The following PDE4D variants were observed in gnomAD, a reference collection of about 807,000 sequenced individuals.
PDE4D encodes 3',5'-cyclic-AMP phosphodiesterase 4D.
PDE4D carries 24 observed loss-of-function variants against 87.4 expected under a neutral mutation model. The observed-to-expected ratio is 0.27, with a 90% CI of 0.20 to 0.39. The LOEUF is 0.39. PDE4D is among the 10% of genes least tolerant of loss of function. The pLI is 1.00. For synonymous variants in PDE4D, 384 were observed against 383.2 expected (o/e 1.00, Z -0.02); for missense variants, 714 against 1,041.0 (o/e 0.69, Z 4.32).
intron 1 of PDE4D, among the ~76,000 whole-genome samples, chr5:59,243,975 C>T (rs1758244755): frequency 6.6e-6 from 1 of 151,862 alleles, no homozygotes; most frequent in Non-Finnish European, 1.5e-5. Flanking sequence ...ATTTAAAATG[C>T]CCAACAATGA....
At chr5:59,445,140 A>G (rs915890885) in intron 1 of PDE4D, among the ~76,000 whole-genome samples, 1 of 152,054 alleles carries the variant, frequency 6.6e-6, no homozygotes, top group Non-Finnish European at 1.5e-5. Context: ...GAAGCACTAA[A>G]CCTGAATTCC....
At chr5:59,920,854 C>T (rs748076145) in intron 3 of PDE4D, among the ~76,000 whole-genome samples, 38 of 109,272 alleles carry the variant, frequency 3.5e-4, no homozygotes, top group South Asian at 1.5e-3. Flanking sequence ...ACACTGGGGC[C>T]TGTCATGTGG....
chr5:60,322,276 T>C (rs1321546400), intron 1 of PDE4D, among the ~76,000 whole-genome samples: 1 of 151,808 alleles, frequency 6.6e-6, no homozygotes, highest in Non-Finnish European at 1.5e-5. Flanking sequence ...CTGGAGGCCA[T>C]TATGCTAAGT....
chr5:59,764,504 A>G (rs1015237418), intron 1 of PDE4D, among the ~76,000 whole-genome samples: 23 of 152,326 alleles, frequency 1.5e-4, no homozygotes, highest in Admixed American at 8.5e-4. Context: ...GTGCTGAGTG[A>G]CATAGCACCT....
chr5:59,839,091 T>C (rs921983905), intron 1 of PDE4D, among the ~76,000 whole-genome samples: 11 of 151,848 alleles, frequency 7.2e-5, no homozygotes, highest in Non-Finnish European at 1.5e-4. Context: ...GAACAGCAGA[T>C]GAAACACACT....
chr5:60,107,086 A>G (rs957142867), intron 2 of PDE4D, among the ~76,000 whole-genome samples: 12 of 152,336 alleles, frequency 7.9e-5, no homozygotes, highest in Admixed American at 7.2e-4. Flanking sequence ...TTTTGAAAAG[A>G]TCAACAAAAT....
intron 1 of PDE4D, among the ~76,000 whole-genome samples, chr5:59,251,111 G>A (rs530243583): frequency 1.3e-5 from 2 of 152,170 alleles, no homozygotes; most frequent in African/African-American, 4.8e-5. Flanking sequence ...CCTGAACATA[G>A]CAGCAGGCAA....
At chr5:60,227,951 G>A (rs1194137095) in intron 1 of PDE4D, among the ~76,000 whole-genome samples, 4 of 151,766 alleles carry the variant, frequency 2.6e-5, no homozygotes, top group African/African-American at 7.3e-5. Context: ...TAATCACATT[G>A]TCTACATTCA....
chr5:59,712,971 T>C (rs1754434862), intron 1 of PDE4D, among the ~76,000 whole-genome samples: 1 of 152,234 alleles, frequency 6.6e-6, no homozygotes, highest in African/African-American at 2.4e-5. Flanking sequence ...AAGTTACTTA[T>C]CTAAGAATTT....
chr5:59,963,543 A>C (rs1759701474), intron 3 of PDE4D, among the ~76,000 whole-genome samples: 1 of 108,396 alleles, frequency 9.2e-6, no homozygotes, highest in Non-Finnish European at 2.0e-5. Flanking sequence ...GAACATAAAA[A>C]CGGGCTGGCT....
chr5:60,475,289 G>T (rs577056172), intron 1 of PDE4D, among the ~76,000 whole-genome samples: 1 of 152,248 alleles, frequency 6.6e-6, no homozygotes, highest in South Asian at 2.1e-4. Context: ...CTTGGCCAAG[G>T]TTATGTTGCC....
chr5:59,402,341 G>C (rs756928214), intron 1 of PDE4D, among the ~76,000 whole-genome samples: 1 of 152,158 alleles, frequency 6.6e-6, no homozygotes, highest in Non-Finnish European at 1.5e-5. Flanking sequence ...GCTGAAGTGA[G>C]ATAATTTAAC....
chr5:60,436,231 T>C (rs949650178), intron 1 of PDE4D, among the ~76,000 whole-genome samples: 2 of 152,082 alleles, frequency 1.3e-5, no homozygotes, highest in African/African-American at 4.8e-5. Context: ...ACCAATTTAT[T>C]AGGAACAAGA....
At chr5:60,444,618 C>T (rs1458482073) in intron 1 of PDE4D, among the ~76,000 whole-genome samples, 4 of 151,732 alleles carry the variant, frequency 2.6e-5, no homozygotes, top group East Asian at 3.9e-4. Flanking sequence ...TCCAGATGGG[C>T]GAGGTATGTG....
At chr5:59,372,195 G>A (rs1231999886) in intron 1 of PDE4D, among the ~76,000 whole-genome samples, 1 of 152,328 alleles carries the variant, frequency 6.6e-6, no homozygotes, top group East Asian at 1.9e-4. Flanking sequence ...ATGGACAACA[G>A]AAGAAGCTTA....
chr5:60,209,656 T>G (rs1742960701), intron 1 of PDE4D, among the ~76,000 whole-genome samples: 1 of 151,918 alleles, frequency 6.6e-6, no homozygotes, highest in African/African-American at 2.4e-5. Flanking sequence ...GTTAAGAAGT[T>G]ATTACACTTA....
chr5:59,178,006 G>A (rs1283348084), intron 5 of PDE4D, among the ~76,000 whole-genome samples: 1 of 152,092 alleles, frequency 6.6e-6, no homozygotes, highest in East Asian at 1.9e-4. Flanking sequence ...CCAACTTCAG[G>A]GGGAGTGAGC....
At chr5:59,553,077 G>A (rs1158925038) in intron 1 of PDE4D, among the ~76,000 whole-genome samples, 1 of 151,934 alleles carries the variant, frequency 6.6e-6, no homozygotes, top group Non-Finnish European at 1.5e-5. Flanking sequence ...TTTTTTTTCT[G>A]ACAGATATCG....
intron 1 of PDE4D, among the ~76,000 whole-genome samples, chr5:59,429,298 C>A (rs73097307): frequency 0.042 from 6,311 of 152,066 alleles, 426 homozygotes; most frequent in African/African-American, 0.14. Flanking sequence ...TGCTGCTAGC[C>A]GGTCATAAAG....
Sources: allele counts gnomAD v4.1 joint callset (sites outside exome capture counted in the v4.1 genomes callset), GRCh38; gene constraint gnomAD v4.1.1; transcripts MANE v1.5; gene names NCBI Gene and HGNC (gene_info 2026-07-23, HGNC 2026-07-21).